Variants in PEBP4 observed in about 807,000 individuals in gnomAD.
PEBP4 encodes the protein phosphatidylethanolamine binding protein 4, also known as phosphatidylethanolamine-binding protein 4.
A neutral mutation model predicts 23.9 loss-of-function variants in PEBP4; 22 were observed. That is an observed-to-expected ratio of 0.92 (90% CI 0.66 to 1.31). The LOEUF (loss-of-function observed/expected upper bound fraction) is 1.31, where lower values mean the gene tolerates loss of function less well. Ranked by LOEUF, PEBP4 falls within the 40% of genes most tolerant of loss-of-function variation. PEBP4 has a pLI of 0.00. For missense variants in PEBP4, 324 were observed against 281.7 expected, an observed-to-expected ratio of 1.15 and a Z score of -1.07; for synonymous variants, 112 against 99.3, an observed-to-expected ratio of 1.13 and a Z score of -0.76.
intron 3 of PEBP4, among the ~76,000 whole-genome samples, chr8:22,821,888 G>A (rs1175398114): frequency 6.6e-6 from 1 of 151,980 alleles, no homozygotes; most frequent in Non-Finnish European, 1.5e-5. Flanking sequence ...CAGAGGCTGA[G>A]GCAGGAGAAT....
At chr8:22,817,419 C>T (rs1398826507) in intron 4 of PEBP4, among the ~76,000 whole-genome samples, 2 of 152,162 alleles carry the variant, frequency 1.3e-5, no homozygotes, top group African/African-American at 4.8e-5. Context: ...CTCTCCCCAC[C>T]CTTCTAGAAA....
intron 3 of PEBP4, among the ~76,000 whole-genome samples, chr8:22,818,824 T>A (rs1464605348): frequency 6.6e-6 from 1 of 151,974 alleles, no homozygotes; most frequent in Non-Finnish European, 1.5e-5. Context: ...GGGGGAGTAT[T>A]TTTAGGTAAA....
intron 3 of PEBP4, among the ~76,000 whole-genome samples, chr8:22,840,759 C>T (rs781204886): frequency 4.6e-5 from 7 of 152,194 alleles, no homozygotes; most frequent in Non-Finnish European, 5.9e-5. Context: ...GCTCCCATCA[C>T]CACCTTGTGA....
intron 3 of PEBP4, among the ~76,000 whole-genome samples, chr8:22,905,731 T>C (rs565521391): frequency 2.0e-5 from 3 of 152,302 alleles, no homozygotes; most frequent in Admixed American, 6.5e-5. Context: ...TGCCTGCTGC[T>C]CCCACCTCAC....
At chr8:22,870,947 G>A (rs1434291270) in intron 3 of PEBP4, among the ~76,000 whole-genome samples, 7 of 152,140 alleles carry the variant, frequency 4.6e-5, no homozygotes, top group Non-Finnish European at 8.8e-5. Flanking sequence ...ATTGATGAAG[G>A]TGGAAAGGGA....
chr8:22,771,465 G>A (rs1805716122), intron 4 of PEBP4, among the ~76,000 whole-genome samples: 1 of 152,074 alleles, frequency 6.6e-6, no homozygotes, highest in East Asian at 1.9e-4. Flanking sequence ...CTCCAGCCTG[G>A]GTGACGGAGT....
chr8:22,818,449 A>G (rs2128762003), intron 3 of PEBP4, among the ~76,000 whole-genome samples: 1 of 152,324 alleles, frequency 6.6e-6, no homozygotes, highest in East Asian at 1.9e-4. Flanking sequence ...GTGGGAAAAA[A>G]GTAGGCTTTG....
intron 4 of PEBP4, among the ~76,000 whole-genome samples, chr8:22,740,597 C>A (rs1310269848): frequency 1.3e-5 from 2 of 152,196 alleles, no homozygotes; most frequent in African/African-American, 4.8e-5. Flanking sequence ...GGGAAGGGGA[C>A]CACTCATCAG....
intron 3 of PEBP4, among the ~76,000 whole-genome samples, chr8:22,907,789 A>C (rs1002328754): frequency 2.0e-5 from 3 of 152,180 alleles, no homozygotes; most frequent in Non-Finnish European, 4.4e-5. Context: ...GCGTTGAGGC[A>C]GGCAGAGGTG....
intron 3 of PEBP4, among the ~76,000 whole-genome samples, chr8:22,900,439 A>G (rs546192366): frequency 2.8e-4 from 43 of 152,256 alleles, no homozygotes; most frequent in African/African-American, 9.6e-4. Context: ...ACTTGAGGCC[A>G]GGGGTTCGAG....
intron 3 of PEBP4, among the ~76,000 whole-genome samples, chr8:22,824,986 T>C (rs558140949): frequency 3.9e-5 from 6 of 152,194 alleles, no homozygotes; most frequent in Non-Finnish European, 8.8e-5. Context: ...CTGTTGCAGA[T>C]GGTCATATCC....
intron 4 of PEBP4, among the ~76,000 whole-genome samples, chr8:22,806,363 T>C (rs1806494381): frequency 6.6e-6 from 1 of 152,170 alleles, no homozygotes; most frequent in Non-Finnish European, 1.5e-5. Flanking sequence ...ACACCTGTGA[T>C]CCCAGCACTT....
rs192709448 is a variant in PEBP4, at chr8:22,727,155, G to C, written c.403+20C>G. The C allele has an allele frequency of 6.2e-7, 1 of 1,613,564 alleles. No homozygotes were observed. The highest frequency in any genetic ancestry group is 8.5e-7 in the Non-Finnish European group (1 of 1,179,710). ...ACTGATGCCCTGGCTGGGGGAAGGG[G>C]TCCCTAGGGTCTTACTCACCTGATA... On this transcript the variant is annotated intron_variant, in intron 5 of 6. Coordinates refer to ENST00000256404, the MANE Select transcript of PEBP4 (RefSeq NM_144962.3).
intron 3 of PEBP4, among the ~76,000 whole-genome samples, chr8:22,856,364 A>G (rs750387263): frequency 6.6e-6 from 1 of 152,226 alleles, no homozygotes; most frequent in Non-Finnish European, 1.5e-5. Flanking sequence ...AAATGTTGAC[A>G]GTATGATAAT....
intron 4 of PEBP4, among the ~76,000 whole-genome samples, chr8:22,747,914 C>T (rs1157973398): frequency 6.6e-6 from 1 of 152,174 alleles, no homozygotes; most frequent in Non-Finnish European, 1.5e-5. Context: ...CCCAGGGCCG[C>T]GTGCAGGCTC....
chr8:22,849,742 A>G (rs1027100409), intron 3 of PEBP4, among the ~76,000 whole-genome samples: 1 of 152,136 alleles, frequency 6.6e-6, no homozygotes, highest in Admixed American at 6.5e-5. Context: ...CACTCTTCAT[A>G]TCTACTTTTT....
chr8:22,920,227 G>T lies in PEBP4; in HGVS notation c.215C>A (p.Thr72Asn). The T allele has an allele frequency of 6.2e-7, 1 of 1,613,672 alleles. No homozygotes were observed. Among genetic ancestry groups the T allele is most frequent in the East Asian group, 2.2e-5 (1 of 44,866 alleles). The change falls in exon 3 of 7, where the codon ACC becomes AAC. Residue 72 changes from threonine to asparagine, a missense_variant. Thr to Asn is a moderately conservative substitution (Grantham distance 65, BLOSUM62 0). Coordinates refer to ENST00000256404, the MANE Select transcript of PEBP4 (RefSeq NM_144962.3). ...PDCNNYRQKI[T>N]SWMEPIVKFP... ...CTTGACTATCGGCTCCATCCAGGAG[G>T]TGATCTTCTGTCTGTAGTTGTTACA...
chr8:22,766,339 C>A (rs1205539263), intron 4 of PEBP4, among the ~76,000 whole-genome samples: 1 of 152,244 alleles, frequency 6.6e-6, no homozygotes, highest in African/African-American at 2.4e-5. Context: ...TGGGTGATGA[C>A]CAGTTCATAG....
intron 4 of PEBP4, among the ~76,000 whole-genome samples, chr8:22,804,507 C>A (rs910259471): frequency 6.6e-6 from 1 of 151,476 alleles, no homozygotes; most frequent in African/African-American, 2.4e-5. Flanking sequence ...TCACTTAACA[C>A]GAGATCCACC....
Sources: allele counts gnomAD v4.1 joint callset (sites outside exome capture counted in the v4.1 genomes callset), GRCh38; gene constraint gnomAD v4.1.1; transcripts MANE v1.5; gene names NCBI Gene and HGNC (gene_info 2026-07-23, HGNC 2026-07-21).